Variants in IGSF9B observed in about 807,000 individuals in gnomAD.
IGSF9B encodes immunoglobulin superfamily member 9B, also known as protein turtle homolog B.
IGSF9B carries 48 observed loss-of-function variants against 143.7 expected under a neutral mutation model. The ratio of observed to expected loss-of-function variants is 0.33; its 90% CI spans 0.26 to 0.42. The LOEUF is 0.42. IGSF9B is among the 20% of genes least tolerant of loss of function. IGSF9B has a pLI of 1.00. For missense variants in IGSF9B, 1,706 were observed against 1,980.0 expected (o/e 0.86, Z 2.63); for synonymous variants, 903 against 833.1 (o/e 1.08, Z -1.44).
chr11:133,934,800 C>T (rs1298255237), intron 7 of IGSF9B, among the ~76,000 whole-genome samples: 1 of 152,220 alleles, frequency 6.6e-6, no homozygotes, highest in Admixed American at 6.5e-5. Flanking sequence ...CCACTTCTCA[C>T]CCCTGCCACT....
intron 18 of IGSF9B, among the ~76,000 whole-genome samples, chr11:133,917,367 G>A (rs764371051): frequency 1.3e-5 from 2 of 152,138 alleles, no homozygotes; most frequent in Non-Finnish European, 2.9e-5. Context: ...AGGAGAGGCT[G>A]ACTGCGGGGG....
chr11:133,954,849 C>T, intron 1 of IGSF9B, among the ~76,000 whole-genome samples: 1 of 152,190 alleles, frequency 6.6e-6, no homozygotes, highest in Non-Finnish European at 1.5e-5. Flanking sequence ...CCATTCCAGA[C>T]AGAAGGACCC....
At chr11:133,917,592 A>C (rs543764406) in intron 18 of IGSF9B, among the ~76,000 whole-genome samples, 74 of 152,220 alleles carry the variant, frequency 4.9e-4, no homozygotes, top group Non-Finnish European at 8.8e-5. Flanking sequence ...TGTGACTACC[A>C]AGGTCAGGCT....
At chr11:133,938,536 G>T (rs1285249767) in intron 3 of IGSF9B, among the ~76,000 whole-genome samples, 4 of 152,168 alleles carry the variant, frequency 2.6e-5, no homozygotes, top group Non-Finnish European at 5.9e-5. Context: ...ATTTTCCTCT[G>T]ATCATGTCAG....
At position 133,922,435 on chromosome 11, in the gene IGSF9B, C is replaced by A; in HGVS notation, c.2281+134G>T. The A allele has an allele frequency of 3.0e-6, 3 of 1,011,624 alleles. No homozygotes were observed. In the South Asian group the frequency reaches 4.9e-5, roughly 17 times the overall value. The allele number at this position is 1,011,624 out of a possible 1,614,324, so 62.7% of individuals were successfully genotyped here. On this transcript the variant is annotated intron_variant, in intron 16 of 19. Coordinates refer to ENST00000533871, the MANE Select transcript of IGSF9B (RefSeq NM_001277285.4). ...TTACCCCCACTTTCAAATCAAGTCT[C>A]ACTGGCAGCTCTACCCACAAGATCT... is the stretch of plus-strand genomic sequence containing the variant.
chr11:133,951,002 G>C (rs933557618), intron 1 of IGSF9B, among the ~76,000 whole-genome samples: 1 of 152,082 alleles, frequency 6.6e-6, no homozygotes, highest in Non-Finnish European at 1.5e-5. Context: ...GTCCAAAAAA[G>C]GCACAGCCCC....
rs1344832803 is a variant in IGSF9B at position 133,902,197 on chromosome 11, ACAC to A, written c.*6869_*6871del. ...CACACACACACCAAACACACCAGAC[ACAC>A]CACAAGCATACACCACACGCAACAT... On this transcript the variant is annotated 3_prime_UTR_variant, in exon 20 of 20. Coordinates refer to ENST00000533871, the MANE Select transcript of IGSF9B (RefSeq NM_001277285.4). 3.4e-4 allele frequency among the ~76,000 whole-genome samples: 49 copies of A among 145,956 alleles called. No homozygotes were observed. The highest frequency in any genetic ancestry group is 8.4e-4 in the African/African-American group (33 of 39,066).
Position 133,929,727 on chromosome 11 carries a change from G to A in IGSF9B, c.1575C>T (p.Ala525=), listed in dbSNP as rs1939689324. ...SVRVQVSMTT[A]NVSWEPGYDG... is the part of the protein sequence containing the mutation. ...CATAGCCTGGTTCCCAGGACACGTT[G>A]GCAGTTGTCATGGAGACCTGGACCC... The change falls in exon 12 of 20, where the codon GCC becomes GCT. Residue 525 remains alanine, a synonymous_variant. Coordinates refer to ENST00000533871, the MANE Select transcript of IGSF9B (RefSeq NM_001277285.4). The A allele has an allele frequency of 6.2e-7, 1 of 1,613,832 alleles. No homozygotes were observed. Among genetic ancestry groups the A allele is most frequent in the Non-Finnish European group, 8.5e-7 (1 of 1,179,872 alleles).
chr11:133,952,686 T>C (rs1379402220), intron 1 of IGSF9B, among the ~76,000 whole-genome samples: 1 of 152,108 alleles, frequency 6.6e-6, no homozygotes, highest in Non-Finnish European at 1.5e-5. Flanking sequence ...GCAATGCACA[T>C]ACATGCCAGC....
chr11:133,922,179 A>C lies in IGSF9B; in HGVS notation c.2325T>G (p.Ser775=). The change falls in exon 17 of 20, where the codon TCT becomes TCG. Residue 775 remains serine, a splice_region_variant and synonymous_variant. Transcript: ENST00000533871. ...SITHCRKSLE[S]PLSSGKVSPE... ...CTCCCAGGATCTGAGACACTTACGGAGACTCCAGGCTCTTCCTGCAGTGGG... is the reference window on the plus strand; with the variant it reads ...CTCCCAGGATCTGAGACACTTACGGCGACTCCAGGCTCTTCCTGCAGTGGG... The C allele has an allele frequency of 2.5e-6, 4 of 1,613,024 alleles. No homozygotes were observed. Among genetic ancestry groups the C allele is most frequent in the Non-Finnish European group, 3.4e-6 (4 of 1,179,304 alleles).
chr11:133,931,396 A>G lies in IGSF9B; in HGVS notation c.1368+57T>C, dbSNP rs535406900. On this transcript the variant is annotated intron_variant, in intron 10 of 19. Transcript: ENST00000533871. This position sits in a 1 kb window ranked among gnomAD's most constrained non-coding sequence, Gnocchi z 7.7. ...GGCCCTCAAACCTCCCCGCAGCCCC[A>G]GGGCTCCCTGGGCCCTCACACCTCC... 154 of 1,290,258 alleles carry G rather than the reference A, an allele frequency of 1.2e-4. 1 individual carries two copies. The highest frequency in any genetic ancestry group is 1.6e-4 in the Non-Finnish European group (146 of 906,078). 79.9% of individuals were successfully genotyped at this position (1,290,258 alleles called of 1,614,324 possible).
rs763820947 is a variant in IGSF9B, at chr11:133,935,587, C to T, written c.967+30G>A. On this transcript the variant is annotated intron_variant, in intron 7 of 19. Transcript: ENST00000533871. Reference sequence around the variant, plus strand: ...ACACCAAAACCTTCTGGGAGCCCCACCACCCAGGCTCCCCTGCACCCCTAC... The same window carrying T: ...ACACCAAAACCTTCTGGGAGCCCCATCACCCAGGCTCCCCTGCACCCCTAC... The T allele has an allele frequency of 4.4e-6, 7 of 1,592,992 alleles. No homozygotes were observed. The East Asian group carries it at 1.1e-4, about 26-fold the overall frequency.
Position 133,930,665 on chromosome 11 carries a change from C to T in IGSF9B, c.1519+319G>A, listed in dbSNP as rs558602656. Among the ~76,000 whole-genome samples, 4 of 152,328 alleles carry T rather than the reference C, an allele frequency of 2.6e-5. No homozygotes were observed. In the East Asian group the frequency reaches 7.7e-4, roughly 29 times the overall value. On this transcript the variant is annotated intron_variant, in intron 11 of 19. Coordinates refer to ENST00000533871, the MANE Select transcript of IGSF9B (RefSeq NM_001277285.4). ...TCCCTCATTCCAGCCCTCCAGCTCT[C>T]CCTAAGGCCCTTAAACTCAAGGCTC...
intron 1 of IGSF9B, 130 bp from the exon 2 acceptor site, chr11:133,946,388 C>T (rs1940052784): frequency 2.7e-6 from 2 of 733,006 alleles, no homozygotes; most frequent in Non-Finnish European, 4.6e-6. Flanking sequence ...CGTACCCTCC[C>T]AGGAGGGTCC....
rs931170467 is a variant in IGSF9B, at chr11:133,908,769, T to C, written c.*300A>G. On this transcript the variant is annotated 3_prime_UTR_variant, in exon 20 of 20. Transcript: ENST00000533871. ...GCTTTCCTCTTCACTTCCAAAGACA[T>C]TGGAAGAGATGAGAAAAATCAACCT... The C allele has an allele frequency of 1.2e-5, 4 of 338,990 alleles. No individual in the cohort carries two copies. The highest frequency in any genetic ancestry group is 4.1e-5 in the African/African-American group (2 of 48,334). The allele number at this position is 338,990 out of a possible 1,614,324, so 21.0% of individuals were successfully genotyped here.
At position 133,919,812 on chromosome 11, in the gene IGSF9B, G is replaced by C; in HGVS notation, c.3913C>G (p.Pro1305Ala). ...GDSLDVFGQT[P>A]SPRRTGEELL... ...TCCTCCCCCGTCCTTCGAGGGGAAG[G>C]CGTCTGTCCAAACACGTCCAAGCTG... Residue 1305 changes from proline (P) to alanine (A), a missense_variant, in exon 18 of 20, where the codon CCT becomes GCT. Around this residue, in one of 7 missense-constraint regions of IGSF9B, gnomAD observed 880 missense variants for 762.9 expected, o/e 1.15. Transcript: ENST00000533871. 1 of 1,524,328 alleles carries C rather than the reference G, an allele frequency of 6.6e-7. No individual in the cohort carries two copies. Among genetic ancestry groups the C allele is most frequent in the Non-Finnish European group, 8.8e-7 (1 of 1,135,286 alleles). 94.4% of individuals were successfully genotyped at this position (1,524,328 alleles called of 1,614,324 possible). A position where few individuals can be genotyped will look rare whatever the true frequency, so the allele number is the denominator to read the frequency against.
At chr11:133,950,208 G>A (rs1451780483) in intron 1 of IGSF9B, among the ~76,000 whole-genome samples, 1 of 152,202 alleles carries the variant, frequency 6.6e-6, no homozygotes, top group Non-Finnish European at 1.5e-5. Context: ...CTCCTCCGCC[G>A]GGGAAGGGCT....
Position 133,921,122 on chromosome 11 carries a change from G to A in IGSF9B, c.2603C>T (p.Ser868Leu). Residue 868 changes from serine to leucine, a missense_variant, in exon 18 of 20, where the codon TCG becomes TTG. Ser to Leu is a moderately radical substitution (Grantham distance 145, BLOSUM62 -2). Transcript: ENST00000533871. The part of the protein sequence containing the change: ...FVMDPAEMEP[S>L]LKSRRIEGFP... The stretch of plus-strand genomic sequence containing the variant: ...GCCCTCGATGCGCCTGCTCTTCAGC[G>A]AGGGCTCCATCTCGGCAGGGTCCAT... The A allele has an allele frequency of 6.2e-7, 1 of 1,613,730 alleles. No individual in the cohort carries two copies. The highest frequency in any genetic ancestry group is 8.5e-7 in the Non-Finnish European group (1 of 1,179,856).
Position 133,956,965 on chromosome 11 carries a change from C to T in IGSF9B, c.-211G>A. On this transcript the variant is annotated 5_prime_UTR_variant, in exon 1 of 20. Coordinates refer to ENST00000533871, the MANE Select transcript of IGSF9B (RefSeq NM_001277285.4). ...CCCGGCCCCGGCGCAGCGGCACCTG[C>T]ACTACTCGCCCGGGCGGAGCGCAGC... is the stretch of plus-strand genomic sequence containing the variant. 2 of 373,134 alleles carry T rather than the reference C, an allele frequency of 5.4e-6. No homozygotes were observed. The highest frequency in any genetic ancestry group is 8.0e-5 in the East Asian group (2 of 25,080). The allele number at this position is 373,134 out of a possible 1,614,324, so 23.1% of individuals were successfully genotyped here.
Sources: allele counts gnomAD v4.1 joint callset (sites outside exome capture counted in the v4.1 genomes callset), GRCh38; gene constraint gnomAD v4.1.1; regional missense constraint gnomAD v4.1.1; non-coding constraint Gnocchi (gnomAD v3.1); transcripts MANE v1.5; gene names NCBI Gene and HGNC (gene_info 2026-07-23, HGNC 2026-07-21).